Variants in ZMYM6 observed in about 807,000 individuals in gnomAD.
The protein encoded by ZMYM6 is zinc finger MYM-type protein 6.
ZMYM6 carries 90 observed loss-of-function variants against 134.0 expected under a neutral mutation model. That is an observed-to-expected ratio of 0.67 (90% CI 0.57 to 0.80). The LOEUF (loss-of-function observed/expected upper bound fraction) is 0.80. ZMYM6 is among the 30% of genes least tolerant of loss of function. The probability of loss-of-function intolerance (pLI) is 0.00; values close to 1 mark genes in which losing one functional copy is unlikely to be tolerated. For missense variants in ZMYM6, 1,362 were observed against 1,533.9 expected, an observed-to-expected ratio of 0.89 and a Z score of 1.87; for synonymous variants, 481 against 524.1, an observed-to-expected ratio of 0.92 and a Z score of 1.12.
At chr1:35,026,313 G>A (rs563258218) in intron 2 of ZMYM6, among the ~76,000 whole-genome samples, 12 of 152,318 alleles carry the variant, frequency 7.9e-5, no homozygotes, top group South Asian at 2.1e-4. Flanking sequence ...AAGCCACCGC[G>A]CCTGGCCTTC....
chr1:35,016,517 T>A (rs1301730696), intron 4 of ZMYM6, among the ~76,000 whole-genome samples: 1 of 152,148 alleles, frequency 6.6e-6, no homozygotes, highest in Non-Finnish European at 1.5e-5. Context: ...TTGCCATTCT[T>A]CTGACAAGTA....
chr1:35,009,526 G>A (rs1026749562), intron 10 of ZMYM6, among the ~76,000 whole-genome samples: 15 of 152,332 alleles, frequency 9.8e-5, no homozygotes, highest in African/African-American at 3.6e-4. Context: ...ATGAGTGCAA[G>A]AACAAAAAGA....
At chr1:35,001,903 A>T (rs528077743) in intron 14 of ZMYM6, among the ~76,000 whole-genome samples, 57 of 152,130 alleles carry the variant, frequency 3.7e-4, no homozygotes, top group Non-Finnish European at 5.4e-4. Flanking sequence ...CTAAAGAATG[A>T]CTCTAATGTG....
chr1:34,990,867 T>A (rs1342993711), intron 15 of ZMYM6, among the ~76,000 whole-genome samples: 2 of 152,116 alleles, frequency 1.3e-5, no homozygotes, highest in African/African-American at 4.8e-5. Flanking sequence ...ACATTCGAGA[T>A]TTATTCTTTT....
chr1:34,991,152 C>T lies in ZMYM6; in HGVS notation c.2146+1082G>A, dbSNP rs561973335. 9.9e-5 allele frequency among the ~76,000 whole-genome samples: 15 copies of T among 152,234 alleles called. No individual in the cohort carries two copies. The South Asian group carries it at 3.1e-3, about 32-fold the overall frequency. On this transcript the variant is annotated intron_variant, in intron 15 of 15. Transcript: ENST00000357182. ...GTGCTGGGATTATAGGCATGAGCCA[C>T]CACGTCTGACCAACAATTCAATATT... is the stretch of plus-strand genomic sequence containing the variant.
chr1:35,023,335 G>T (rs748401972), intron 2 of ZMYM6, among the ~76,000 whole-genome samples: 5 of 152,148 alleles, frequency 3.3e-5, no homozygotes, highest in Non-Finnish European at 4.4e-5. Flanking sequence ...TCGAACTCCT[G>T]ACCTCAGGTG....
intron 6 of ZMYM6, chr1:35,013,744 T>C: frequency 3.4e-6 from 3 of 881,982 alleles, no homozygotes; most frequent in Non-Finnish European, 4.1e-6. Flanking sequence ...CAGGCTGGAC[T>C]GCAGTGGCAC....
chr1:34,987,872 T>TACTG lies in ZMYM6; in HGVS notation c.3209_3210insCAGT (p.Arg1071SerfsTer15). On this transcript the variant is annotated frameshift_variant, in exon 16 of 16. Coordinates refer to ENST00000357182, the MANE Select transcript of ZMYM6 (RefSeq NM_007167.4). LOFTEE classifies it high-confidence loss of function. ...ACATTCTCCCTCTTGATATCCAACG[T>TACTG]ACTTCAGCATGAAGCGGTAAACTCA... The TACTG allele has an allele frequency of 6.4e-7, 1 of 1,551,594 alleles. No individual in the cohort carries two copies. The highest frequency in any genetic ancestry group is 8.7e-7 in the Non-Finnish European group (1 of 1,146,946).
Position 35,010,791 on chromosome 1 carries a change from T to C in ZMYM6, c.1308A>G (p.Leu436=), listed in dbSNP as rs1641070920. ...VKLKCQHCNH[L]FATKPELLFY... is the part of the protein sequence containing the mutation. ...AAAGAAGTTCTGGTTTTGTGGCAAATAGATGGTTACAGTGCTGACACTTGA... is the reference window on the plus strand; with the variant it reads ...AAAGAAGTTCTGGTTTTGTGGCAAACAGATGGTTACAGTGCTGACACTTGA... Residue 436 remains leucine, a synonymous_variant, in exon 9 of 16, where the codon CTA becomes CTG. Coordinates refer to ENST00000357182, the MANE Select transcript of ZMYM6 (RefSeq NM_007167.4). 8 of 1,578,554 alleles carry C rather than the reference T, an allele frequency of 5.1e-6. No individual in the cohort carries two copies. Among genetic ancestry groups the C allele is most frequent in the Middle Eastern group, 1.7e-4 (1 of 5,850 alleles).
intron 11 of ZMYM6, 21 bp from the exon 12 acceptor site, chr1:35,007,119 A>G: frequency 6.3e-7 from 1 of 1,584,188 alleles, no homozygotes; most frequent in Non-Finnish European, 8.6e-7. Flanking sequence ...AATGTTAGAC[A>G]AGATAGGCTT....
rs1282681501 is a variant in ZMYM6, at chr1:35,019,451, T to A, written c.330A>T (p.Gly110=). ...GTGTGGAGCAGAAGAGCTGAGTAGA[T>A]CCTGTCTTATGATATGCAGTTTGGC... The part of the protein sequence containing the change: ...YKGQTAYHKT[G]STQLFCSTRC... Residue 110 remains glycine, a synonymous_variant, in exon 4 of 16, where the codon GGA becomes GGT. Coordinates refer to ENST00000357182, the MANE Select transcript of ZMYM6 (RefSeq NM_007167.4). 6.2e-7 allele frequency: 1 copy of A among 1,613,994 alleles called. No homozygotes were observed. The highest frequency in any genetic ancestry group is 1.3e-5 in the African/African-American group (1 of 74,906).
At chr1:35,023,389 G>A (rs1641347578) in intron 2 of ZMYM6, among the ~76,000 whole-genome samples, 2 of 152,090 alleles carry the variant, frequency 1.3e-5, no homozygotes, top group Admixed American at 6.5e-5. Context: ...GTACAGGCGT[G>A]AGCCACTGCA....
chr1:35,010,797 G>C lies in ZMYM6; in HGVS notation c.1302C>G (p.Asn434Lys). 1 of 1,586,754 alleles carries C rather than the reference G, an allele frequency of 6.3e-7. No individual in the cohort carries two copies. The highest frequency in any genetic ancestry group is 8.5e-7 in the Non-Finnish European group (1 of 1,170,294). Residue 434 changes from asparagine (N) to lysine (K), a missense_variant, in exon 9 of 16, where the codon AAC (asparagine) becomes AAG (lysine). Physicochemically the swap from Asn to Lys is moderately conservative, Grantham distance 94. This residue lies in a region of ZMYM6 where 503 missense variants were observed against 520.8 expected (regional missense o/e 0.97). Transcript: ENST00000357182. ...TVVKLKCQHCNHLFATKPELL... is the reference protein window; with the variant it reads ...TVVKLKCQHCKHLFATKPELL... ...GTTCTGGTTTTGTGGCAAATAGATG[G>C]TTACAGTGCTGACACTTGAGTTTAA... is the stretch of plus-strand genomic sequence containing the variant.
At chr1:35,014,602 A>T in intron 6 of ZMYM6, 95 bp downstream of exon 6, 1 of 1,202,046 alleles carries the variant, frequency 8.3e-7, no homozygotes, top group Non-Finnish European at 1.2e-6. Context: ...AGGATGGACT[A>T]ATGGGAGGAG....
At chr1:35,015,879 T>C (rs1348240904) in intron 4 of ZMYM6, among the ~76,000 whole-genome samples, 1 of 150,838 alleles carries the variant, frequency 6.6e-6, no homozygotes, top group Non-Finnish European at 1.5e-5. Context: ...AAGACACTGG[T>C]TCTCTCATTA....
intron 4 of ZMYM6, among the ~76,000 whole-genome samples, chr1:35,016,763 G>T (rs1343245064): frequency 3.3e-5 from 5 of 152,064 alleles, no homozygotes; most frequent in African/African-American, 9.7e-5. Context: ...TTGAGCCCAG[G>T]GAGTTCAAGA....
intron 2 of ZMYM6, chr1:35,030,015 T>C (rs751980106): frequency 2.1e-4 from 32 of 153,414 alleles, no homozygotes; most frequent in Non-Finnish European, 4.1e-4. Flanking sequence ...CTTAACAGAA[T>C]AAAGGAAAGT....
At chr1:35,018,496 ATATT>A (rs1158622098) in intron 4 of ZMYM6, 17 of 151,574 alleles carry the variant, frequency 1.1e-4, no homozygotes, top group East Asian at 3.8e-4. Flanking sequence ...TATATTTATT[ATATT>A]TATTTATGTT....
rs1641067500 is a variant in ZMYM6, at chr1:35,010,605, G to A, written c.1342-8C>T. On this transcript the variant is annotated splice_region_variant and splice_polypyrimidine_tract_variant and intron_variant, in intron 9 of 15. Coordinates refer to ENST00000357182, the MANE Select transcript of ZMYM6 (RefSeq NM_007167.4). ...AAACAGAAACATTTTACCCTGCAGA[G>A]AAACAACAGTCCATTAAGAGCCAAC... 1.9e-6 allele frequency: 3 copies of A among 1,603,920 alleles called. No homozygotes were observed. The African/African-American group carries it at 4.0e-5, about 22-fold the overall frequency.
Sources: allele counts gnomAD v4.1 joint callset (sites outside exome capture counted in the v4.1 genomes callset), GRCh38; gene constraint gnomAD v4.1.1; regional missense constraint gnomAD v4.1.1; transcripts MANE v1.5; gene names NCBI Gene and HGNC (gene_info 2026-07-23, HGNC 2026-07-21).